MICAL1: variants seen among roughly 807,000 people sequenced by gnomAD.
The protein encoded by MICAL1 is microtubule associated monooxygenase, calponin and LIM domain containing 1, also known as [F-actin]-monooxygenase MICAL1.
A neutral mutation model predicts 131.8 loss-of-function variants in MICAL1; 95 were observed. That is an observed-to-expected ratio of 0.72 (90% CI 0.61 to 0.86). MICAL1 has a LOEUF of 0.86. MICAL1 is among the 40% of genes least tolerant of loss of function. The probability of loss-of-function intolerance (pLI) is 0.00; values close to 1 mark genes in which losing one functional copy is unlikely to be tolerated. For missense variants in MICAL1, 1,292 were observed against 1,380.6 expected (o/e 0.94, Z 1.02); for synonymous variants, 546 against 554.2 (o/e 0.99, Z 0.21).
chr6:109,452,742 A>G (rs976848233), intron 4 of MICAL1, 127 bp from the exon 5 acceptor site: 12 of 682,136 alleles, frequency 1.8e-5, no homozygotes, highest in Admixed American at 3.0e-5. Context: ...ATGATATATT[A>G]TCTATCAGAT....
At chr6:109,462,875 T>G (rs1775923370) in intron 1 of MICAL1, 1 of 152,232 alleles carries the variant, frequency 6.6e-6, no homozygotes, top group Admixed American at 6.5e-5. Flanking sequence ...ATTTAAAAAA[T>G]GGTACACATT....
At chr6:109,448,423 A>G (rs758361524) in intron 12 of MICAL1, 30 bp from the exon 13 acceptor site, 2 of 1,609,568 alleles carry the variant, frequency 1.2e-6, no homozygotes, top group Non-Finnish European at 1.7e-6. Context: ...AAAGCCAACT[A>G]GAGACAAGAA....
chr6:109,451,673 T>C lies in MICAL1; in HGVS notation c.860A>G (p.Tyr287Cys). 6.2e-7 allele frequency: 1 copy of C among 1,614,048 alleles called. No homozygotes were observed. Among genetic ancestry groups the C allele is most frequent in the Non-Finnish European group, 8.5e-7 (1 of 1,179,948 alleles). The change falls in exon 7 of 25, where the codon TAC (tyrosine) becomes TGC (cysteine). Residue 287 changes from tyrosine to cysteine, a missense_variant. Tyr to Cys is a radical substitution (Grantham distance 194). Coordinates refer to ENST00000358807, the MANE Select transcript of MICAL1 (RefSeq NM_022765.4). The stretch of plus-strand genomic sequence containing the variant: ...CACAAAGTAGTGGGTGTCGTCCTTG[T>C]AGTACACAATGTTCTCCAGATCAAT... ...TGIDLENIVYYKDDTHYFVMT... is the reference protein window; with the variant it reads ...TGIDLENIVYCKDDTHYFVMT...
Position 109,444,964 on chromosome 6 carries a change from T to C in MICAL1, c.2913A>G (p.Val971=). 6.2e-7 allele frequency: 1 copy of C among 1,614,100 alleles called. No homozygotes were observed. The highest frequency in any genetic ancestry group is 8.5e-7 in the Non-Finnish European group (1 of 1,180,044). ...SSPEQQKKLW[V]GQLLQLVDKK... ...TGTCAACGAGCTGTAGCAGCTGTCC[T>C]ACCCATAGTTTCTTTTGCTGTTCTG... is the stretch of plus-strand genomic sequence containing the variant. The change falls in exon 23 of 25, where the codon GTA becomes GTG. Residue 971 remains valine, a synonymous_variant. Coordinates refer to ENST00000358807, the MANE Select transcript of MICAL1 (RefSeq NM_022765.4).
In MICAL1 at chr6:109,445,290, T is replaced by C. The variant is rs757547638; in HGVS notation, c.2788A>G (p.Thr930Ala). 1.9e-6 allele frequency: 3 copies of C among 1,614,062 alleles called. No individual in the cohort carries two copies. In the Admixed American group the frequency reaches 5.0e-5, roughly 27 times the overall value. ...ATCTCATTTAGTCGCCGTTGGATGG[T>C]CTGAGGGGTACAAGACAGAATATCC... ...EEMKRFCKAQ[T>A]IQRRLNEIEA... is the part of the protein sequence containing the mutation. Residue 930 changes from threonine (T) to alanine (A), a missense_variant and splice_region_variant, in exon 22 of 25, where the codon ACC (threonine) becomes GCC (alanine). Thr to Ala is a moderately conservative substitution (Grantham distance 58). Coordinates refer to ENST00000358807, the MANE Select transcript of MICAL1 (RefSeq NM_022765.4).
At chr6:109,465,714 A>G in exon 1 of MICAL1, 3 of 1,607,290 alleles carry the variant, frequency 1.9e-6, no homozygotes, top group Non-Finnish European at 2.5e-6. Context: ...GGCATTATAA[A>G]CATCAGTTAG....
Position 109,445,088 on chromosome 6 carries a change from C to T in MICAL1, c.2882-93G>A, listed in dbSNP as rs1775148901. Reference sequence around the variant, plus strand: ...TAGGGGAGACAGGAGAGCCGGGTGTCACAGGTATGTGTTAGCTGTGTGGCA... The same window carrying T: ...TAGGGGAGACAGGAGAGCCGGGTGTTACAGGTATGTGTTAGCTGTGTGGCA... On this transcript the variant is annotated intron_variant, in intron 22 of 24. Transcript: ENST00000358807. 1.9e-6 allele frequency: 3 copies of T among 1,571,338 alleles called. No homozygotes were observed. The South Asian group carries it at 3.3e-5, about 17-fold the overall frequency.
At position 109,451,690 on chromosome 6, in the gene MICAL1, C is replaced by T; in HGVS notation, c.843G>A (p.Leu281=). The T allele has an allele frequency of 6.2e-7, 1 of 1,613,996 alleles. No individual in the cohort carries two copies. The highest frequency in any genetic ancestry group is 1.7e-5 in the Admixed American group (1 of 60,024). ...CGTCCTTGTAGTACACAATGTTCTC[C>T]AGATCAATGCCTGGGGGTACAGGGC... ...QSLLKATGID[L]ENIVYYKDDT... Residue 281 remains leucine, a synonymous_variant, in exon 7 of 25, where the codon CTG becomes CTA. Transcript: ENST00000358807.
chr6:109,448,932 T>C (rs1017354308), intron 11 of MICAL1, 53 bp from the exon 12 acceptor site: 12 of 1,602,200 alleles, frequency 7.5e-6, no homozygotes, highest in Non-Finnish European at 8.5e-6. Context: ...ATCCCAGGCA[T>C]ATAGGGAGCC....
chr6:109,446,193 G>A lies in MICAL1; in HGVS notation c.2524C>T (p.Arg842Cys), dbSNP rs199541635. ...KPPRSCSALA[R>C]HALESSFVGW... ...ACAAAGCTGCTCTCCAGGGCGTGGC[G>A]GGCCAAGGCGGAGCAGCTGCGGGGA... The change falls in exon 19 of 25, where the codon CGC becomes TGC. Residue 842 changes from arginine (R) to cysteine (C), a missense_variant. Physicochemically the swap from Arg to Cys is radical, Grantham distance 180. Transcript: ENST00000358807. 9.5e-5 allele frequency: 151 copies of A among 1,588,832 alleles called. No individual in the cohort carries two copies. The highest frequency in any genetic ancestry group is 1.7e-4 in the Middle Eastern group (1 of 5,944).
At chr6:109,465,966 A>G (rs1294106593) in exon 1 of MICAL1, 1 of 1,614,220 alleles carries the variant, frequency 6.2e-7, no homozygotes, top group South Asian at 1.1e-5. Context: ...ACTTGTAGCT[A>G]AATGGAGCTC....
At chr6:109,444,481 T>C in intron 24 of MICAL1, 142 bp from the exon 25 acceptor site, 1 of 1,269,776 alleles carries the variant, frequency 7.9e-7, no homozygotes, top group Non-Finnish European at 1.1e-6. Flanking sequence ...CCAACACCAG[T>C]GGTTTTCTAG....
intron 1 of MICAL1, chr6:109,464,534 T>C (rs1182227083): frequency 6.6e-6 from 1 of 152,206 alleles, no homozygotes; most frequent in African/African-American, 2.4e-5. Flanking sequence ...TTCAATAAGC[T>C]TAGCTTGAAA....
rs935827632 is a variant in MICAL1 at position 109,445,184 on chromosome 6, G to C, written c.2881+13C>G. 6.2e-7 allele frequency: 1 copy of C among 1,612,496 alleles called. No homozygotes were observed. Among genetic ancestry groups the C allele is most frequent in the Non-Finnish European group, 8.5e-7 (1 of 1,179,870 alleles). ...TGCTAGAAGGCAGAGGGGTGTCCTA[G>C]CTTGTCACTCACTGCTCTGGCGCCT... On this transcript the variant is annotated intron_variant, in intron 22 of 24. Coordinates refer to ENST00000358807, the MANE Select transcript of MICAL1 (RefSeq NM_022765.4).
In MICAL1 at chr6:109,455,059, C is replaced by A. The variant is rs1023506845; in HGVS notation, c.-44+660G>T. Among the ~76,000 whole-genome samples the A allele has an allele frequency of 6.6e-6, 1 of 152,104 alleles. No homozygotes were observed. Among genetic ancestry groups the A allele is most frequent in the African/African-American group, 2.4e-5 (1 of 41,442 alleles). ...GATCGACCCCTACCCCGCCCCGCCCCCTGTGCGCCCGGGCGCGCTCTCCCA... is the reference window on the plus strand; with the variant it reads ...GATCGACCCCTACCCCGCCCCGCCCACTGTGCGCCCGGGCGCGCTCTCCCA... On this transcript the variant is annotated intron_variant, in intron 1 of 24. Transcript: ENST00000358807. This position sits in a 1 kb window ranked among gnomAD's most constrained non-coding sequence, Gnocchi z 4.7.
upstream of MICAL1, chr6:109,455,938 T>C (rs1775733846): frequency 6.1e-6 from 6 of 985,400 alleles, no homozygotes; most frequent in Non-Finnish European, 7.2e-6. The surrounding 1 kb of genome is among the most constrained non-coding windows in gnomAD (Gnocchi z 4.7). Flanking sequence ...CTCATTAGCA[T>C]CTCATTACTT....
At chr6:109,447,583 G>A in intron 15 of MICAL1, 98 bp downstream of exon 15, 1 of 1,579,772 alleles carries the variant, frequency 6.3e-7, no homozygotes, top group Non-Finnish European at 8.7e-7. Context: ...AGGACCTGGG[G>A]TGGGGAACAA....
rs1319456503 is a variant in MICAL1 at position 109,449,580 on chromosome 6, G to A, written c.1434+77C>T. 1.9e-6 allele frequency: 3 copies of A among 1,603,548 alleles called. No individual in the cohort carries two copies. In the African/African-American group the frequency reaches 4.0e-5, roughly 21 times the overall value. ...GGGGTAGGATTGACCCCAAAGGGCA[G>A]CGACTGGGCAGGGAGGGCCTGACCT... On this transcript the variant is annotated intron_variant, in intron 10 of 24. Coordinates refer to ENST00000358807, the MANE Select transcript of MICAL1 (RefSeq NM_022765.4).
rs34681234 is a variant in MICAL1 at position 109,445,268 on chromosome 6, T to A, written c.2810A>T (p.Glu937Val). ...KAQTIQRRLNEIEAALRELEA... is the reference protein window; with the variant it reads ...KAQTIQRRLNVIEAALRELEA... ...TAGCTCCCTCAAGGCAGCCTCAATC[T>A]CATTTAGTCGCCGTTGGATGGTCTG... The change falls in exon 22 of 25, where the codon GAG becomes GTG. Residue 937 changes from glutamate to valine, a missense_variant. By Grantham distance (121) the Glu-to-Val change is moderately radical (BLOSUM62 -2). Coordinates refer to ENST00000358807, the MANE Select transcript of MICAL1 (RefSeq NM_022765.4). 4,545 of 1,614,104 alleles carry A rather than the reference T, an allele frequency of 2.8e-3. 214 individuals carry two copies. The Admixed American group carries it at 0.072, about 25-fold the overall frequency.
Sources: gnomAD v4.1 joint callset for allele counts (sites outside exome capture counted in the v4.1 genomes callset) on GRCh38, gnomAD v4.1.1 for gene constraint, Gnocchi (gnomAD v3.1) non-coding constraint, MANE v1.5 for transcripts, NCBI Gene and HGNC (gene_info 2026-07-23, HGNC 2026-07-21) for gene names.